Variants in VWA5A observed in about 807,000 individuals in gnomAD.
VWA5A encodes the protein von Willebrand factor A domain containing 5A.
Under a neutral mutation model 84.6 loss-of-function variants are expected in VWA5A, and 77 were observed. The observed-to-expected ratio is 0.91, with a 90% CI of 0.76 to 1.10. The LOEUF (loss-of-function observed/expected upper bound fraction) is 1.10, where lower values mean the gene tolerates loss of function less well. VWA5A is among the 50% of genes least tolerant of loss of function. The pLI is 0.00. For missense variants in VWA5A, 973 were observed against 963.0 expected, an observed-to-expected ratio of 1.01 and a Z score of -0.14; for synonymous variants, 334 against 350.1, an observed-to-expected ratio of 0.95 and a Z score of 0.51.
intron 11 of VWA5A, among the ~76,000 whole-genome samples, chr11:124,132,387 G>A (rs965763930): frequency 3.3e-5 from 5 of 151,850 alleles, no homozygotes; most frequent in Non-Finnish European, 5.9e-5. Context: ...TGCTCCAAAA[G>A]GTTTTCTTTC....
chr11:124,147,446 T>A lies in VWA5A; in HGVS notation c.*1501T>A, dbSNP rs769096125. 9.2e-5 allele frequency: 14 copies of A among 152,136 alleles called. No individual in the cohort carries two copies. Among genetic ancestry groups the A allele is most frequent in the Non-Finnish European group, 2.1e-4 (14 of 68,028 alleles). The allele number at this position is 152,136 out of a possible 1,614,324, so 9.4% of individuals were successfully genotyped here. A position where few individuals can be genotyped will look rare whatever the true frequency, so the allele number is the denominator to read the frequency against. The stretch of plus-strand genomic sequence containing the variant: ...AGAAAGTGGGTGGACTAGGCCTGAG[T>A]TTCTTTAAGTTGTTGAGTTACCTGG... On this transcript the variant is annotated 3_prime_UTR_variant, in exon 19 of 19. Transcript: ENST00000456829.
intron 1 of VWA5A, chr11:124,115,757 T>C (rs943414266): frequency 5.9e-5 from 9 of 152,308 alleles, no homozygotes; most frequent in African/African-American, 1.9e-4. Flanking sequence ...TCTTTTACTT[T>C]ACTTTTTTTC....
chr11:124,117,274 A>G (rs1864846042), intron 2 of VWA5A: 2 of 586,868 alleles, frequency 3.4e-6, no homozygotes, highest in East Asian at 2.8e-5. Flanking sequence ...TTTCCTGTTT[A>G]GTAGATACCA....
At chr11:124,138,962 G>C (rs566891403) in intron 15 of VWA5A, among the ~76,000 whole-genome samples, 1 of 152,154 alleles carries the variant, frequency 6.6e-6, no homozygotes, top group African/African-American at 2.4e-5. Flanking sequence ...TGTGATGAGA[G>C]ATAAGGGTCT....
In VWA5A at chr11:124,145,253, G is replaced by A; in HGVS notation, c.2171G>A (p.Gly724Asp). Residue 724 changes from glycine to aspartate, a missense_variant, in exon 18 of 19, where the codon GGC becomes GAC. Gly to Asp is a moderately conservative substitution (Grantham distance 94). Coordinates refer to ENST00000456829, the MANE Select transcript of VWA5A (RefSeq NM_001130142.2). ...ACTGTGCAGCTTGTGGATTCCTCAG[G>A]CTGGGCCACCATCCTGGCCGTGATC... Reference protein sequence around the residue: ...AQPAELVDSSGWATILAVIWL... With the variant: ...AQPAELVDSSDWATILAVIWL... 1 of 1,613,480 alleles carries A rather than the reference G, an allele frequency of 6.2e-7. No individual in the cohort carries two copies. Among genetic ancestry groups the A allele is most frequent in the East Asian group, 2.2e-5 (1 of 44,834 alleles).
chr11:124,136,015 G>A, intron 12 of VWA5A, 114 bp from the exon 13 acceptor site: 1 of 1,179,700 alleles, frequency 8.5e-7, no homozygotes. Context: ...TAGTATTGAG[G>A]AGTAGGCATG....
At chr11:124,141,304 G>T (rs1328966643) in intron 15 of VWA5A, among the ~76,000 whole-genome samples, 1 of 152,160 alleles carries the variant, frequency 6.6e-6, no homozygotes, top group Non-Finnish European at 1.5e-5. Context: ...AGTTTTTTGG[G>T]AGGATAAATT....
At chr11:124,124,662 A>C in intron 11 of VWA5A, 19 of 688,112 alleles carry the variant, frequency 2.8e-5, no homozygotes, top group Non-Finnish European at 3.5e-5. Flanking sequence ...TATCACAGTG[A>C]ATGCACTGTG....
At position 124,115,500 on chromosome 11, in the gene VWA5A, C is replaced by G. The variant is rs1252006162; in HGVS notation, c.-131+18C>G. ...AGAGGAAGGTAGGGGACCAAGCTAC[C>G]GGTGCAGGGCCTGGATCCAACCCCT... is the stretch of plus-strand genomic sequence containing the variant. On this transcript the variant is annotated intron_variant, in intron 1 of 18. Coordinates refer to ENST00000456829, the MANE Select transcript of VWA5A (RefSeq NM_001130142.2). 1 of 152,160 alleles carries G rather than the reference C, an allele frequency of 6.6e-6. No homozygotes were observed. The allele number at this position is 152,160 out of a possible 1,614,324, so 9.4% of individuals were successfully genotyped here. A position where few individuals can be genotyped will look rare whatever the true frequency, so the allele number is the denominator to read the frequency against.
chr11:124,124,665 G>T, intron 11 of VWA5A: 27 of 656,344 alleles, frequency 4.1e-5, no homozygotes, highest in South Asian at 1.0e-4. Flanking sequence ...CACAGTGAAT[G>T]CACTGTGTGA....
intron 15 of VWA5A, among the ~76,000 whole-genome samples, chr11:124,141,082 T>TG (rs2137664417): frequency 6.6e-6 from 1 of 152,126 alleles, no homozygotes; most frequent in East Asian, 1.9e-4. Context: ...TTTAATGGAG[T>TG]GGAAGTCTAT....
Position 124,136,180 on chromosome 11 carries a change from C to T in VWA5A, c.1411C>T (p.Leu471=), listed in dbSNP as rs1360918579. ...GCAGCCTGTGGTAGAGGATGTCTCTCTGAGCTGGCATTTGCCTCCTGGTCT... is the reference window on the plus strand; with the variant it reads ...GCAGCCTGTGGTAGAGGATGTCTCTTTGAGCTGGCATTTGCCTCCTGGTCT... ...SLQPVVEDVS[L]SWHLPPGLSA... Residue 471 remains leucine, a synonymous_variant, in exon 13 of 19, where the codon CTG becomes TTG. Transcript: ENST00000456829. 6.2e-7 allele frequency: 1 copy of T among 1,614,218 alleles called. No homozygotes were observed. The highest frequency in any genetic ancestry group is 1.3e-5 in the African/African-American group (1 of 75,072).
chr11:124,133,176 A>G (rs1865122700), intron 11 of VWA5A, among the ~76,000 whole-genome samples: 1 of 152,188 alleles, frequency 6.6e-6, no homozygotes, highest in Non-Finnish European at 1.5e-5. Context: ...GGGAACAGAT[A>G]ATGTTAATCC....
At chr11:124,131,710 A>G (rs1865100105) in intron 11 of VWA5A, among the ~76,000 whole-genome samples, 1 of 151,514 alleles carries the variant, frequency 6.6e-6, no homozygotes, top group Non-Finnish European at 1.5e-5. Context: ...ATATTTGCAG[A>G]CTCTTTTAGA....
At chr11:124,126,803 G>T (rs548614756) in intron 11 of VWA5A, among the ~76,000 whole-genome samples, 1 of 150,682 alleles carries the variant, frequency 6.6e-6, no homozygotes, top group African/African-American at 2.4e-5. Flanking sequence ...CTTCACCCGG[G>T]TCTACCAGTT....
intron 7 of VWA5A, among the ~76,000 whole-genome samples, chr11:124,121,033 C>A (rs1288629963): frequency 2.0e-5 from 3 of 152,088 alleles, no homozygotes; most frequent in Non-Finnish European, 4.4e-5. Flanking sequence ...CTTCCCAGGT[C>A]GTATATTTAG....
At position 124,146,144 on chromosome 11, in the gene VWA5A, G is replaced by C. The variant is rs1312693227; in HGVS notation, c.*199G>C. ...TTTCTTTTCCCAACATATGCCCTCA[G>C]AAAAGTGACAGTGGTCCCAGAACCT... On this transcript the variant is annotated 3_prime_UTR_variant, in exon 19 of 19. Coordinates refer to ENST00000456829, the MANE Select transcript of VWA5A (RefSeq NM_001130142.2). 2.3e-5 allele frequency: 12 copies of C among 525,336 alleles called. No individual in the cohort carries two copies. The highest frequency in any genetic ancestry group is 3.3e-5 in the Non-Finnish European group (10 of 301,550). The allele number at this position is 525,336 out of a possible 1,614,324, so 32.5% of individuals were successfully genotyped here.
chr11:124,118,424 C>A lies in VWA5A; in HGVS notation c.469+13C>A, dbSNP rs1396309775. On this transcript the variant is annotated intron_variant, in intron 5 of 18. Coordinates refer to ENST00000456829, the MANE Select transcript of VWA5A (RefSeq NM_001130142.2). ...TACCAGTTCTCTGGTGAGTACCTCT[C>A]CCCTTTGAATTCTAGTGGTGGGTGA... 1.2e-6 allele frequency: 2 copies of A among 1,613,526 alleles called. No individual in the cohort carries two copies. The highest frequency in any genetic ancestry group is 3.3e-5 in the Admixed American group (2 of 59,992).
At chr11:124,121,402 G>A (rs1315276552) in intron 7 of VWA5A, among the ~76,000 whole-genome samples, 1 of 152,080 alleles carries the variant, frequency 6.6e-6, no homozygotes, top group Non-Finnish European at 1.5e-5. Flanking sequence ...TGGTCTGTGG[G>A]CTGCATGTGG....
Sources: gnomAD v4.1 joint callset for allele counts (sites outside exome capture counted in the v4.1 genomes callset) on GRCh38, gnomAD v4.1.1 for gene constraint, MANE v1.5 for transcripts, NCBI Gene and HGNC (gene_info 2026-07-23, HGNC 2026-07-21) for gene names.